The following MACROD2 variants were observed in gnomAD, a reference collection of about 807,000 sequenced individuals.
MACROD2 encodes the protein ADP-ribose glycohydrolase MACROD2.
In MACROD2, 36 loss-of-function variants were observed where a neutral mutation model predicts 70.4. The observed-to-expected ratio is 0.51, with a 90% confidence interval of 0.39 to 0.68. The LOEUF is 0.68. MACROD2 is among the 30% of genes least tolerant of loss of function. The pLI is 0.00. For synonymous variants in MACROD2, 172 were observed against 178.8 expected, an observed-to-expected ratio of 0.96 and a Z score of 0.30; for missense variants, 496 against 538.4, an observed-to-expected ratio of 0.92 and a Z score of 0.78.
At chr20:14,713,000 A>G (rs1300809817) in intron 5 of MACROD2, among the ~76,000 whole-genome samples, 1 of 152,176 alleles carries the variant, frequency 6.6e-6, no homozygotes, top group African/African-American at 2.4e-5. Context: ...AGAAAGACGG[A>G]GAAAGAAGAA....
At chr20:14,935,968 A>G (rs534012877) in intron 5 of MACROD2, among the ~76,000 whole-genome samples, 35 of 152,104 alleles carry the variant, frequency 2.3e-4, no homozygotes, top group Non-Finnish European at 4.6e-4. Context: ...TCTTTTTTCC[A>G]TAAGTACTAA....
chr20:15,342,755 G>A (rs1439707360), intron 6 of MACROD2, among the ~76,000 whole-genome samples: 3 of 152,156 alleles, frequency 2.0e-5, no homozygotes, highest in Admixed American at 1.3e-4. Context: ...AAGAGTGAAA[G>A]TGGGGAGGGG....
chr20:14,602,764 A>T (rs779176598), intron 4 of MACROD2, among the ~76,000 whole-genome samples: 1 of 152,232 alleles, frequency 6.6e-6, no homozygotes, highest in Non-Finnish European at 1.5e-5. Flanking sequence ...ATTTCTTAAA[A>T]ATTGAAAAGT....
chr20:15,427,024 GTCTC>G (rs74340878), intron 6 of MACROD2, among the ~76,000 whole-genome samples: 29,619 of 151,616 alleles, frequency 0.2, 3,134 homozygotes, highest in African/African-American at 0.25. Context: ...CTGTCTGTCT[GTCTC>G]TCTCTCTCTG....
At chr20:15,809,182 G>T (rs2063795573) in intron 8 of MACROD2, among the ~76,000 whole-genome samples, 1 of 152,008 alleles carries the variant, frequency 6.6e-6, no homozygotes, top group East Asian at 1.9e-4. Context: ...GATTTTCAGT[G>T]CACTTATAAT....
At chr20:15,569,732 A>T (rs892797412) in intron 8 of MACROD2, among the ~76,000 whole-genome samples, 1 of 152,224 alleles carries the variant, frequency 6.6e-6, no homozygotes, top group African/African-American at 2.4e-5. Context: ...ACAAAGATGT[A>T]GACCATTTGT....
chr20:15,995,550 C>T (rs1206059414), intron 15 of MACROD2, among the ~76,000 whole-genome samples: 1 of 151,038 alleles, frequency 6.6e-6, no homozygotes, highest in Non-Finnish European at 1.5e-5. Flanking sequence ...CAGGGTTTCA[C>T]CGTGTTAGCC....
chr20:14,902,351 C>T (rs1422406516), intron 5 of MACROD2, among the ~76,000 whole-genome samples: 1 of 152,140 alleles, frequency 6.6e-6, no homozygotes, highest in Admixed American at 6.5e-5. Context: ...AGGCCGCAGG[C>T]AGAGAATAGG....
intron 5 of MACROD2, among the ~76,000 whole-genome samples, chr20:14,978,922 TC>T (rs544992902): frequency 7.4e-6 from 1 of 135,532 alleles, no homozygotes; most frequent in African/African-American, 3.0e-5. Flanking sequence ...ATAATATATA[TC>T]ATAATATATA....
intron 6 of MACROD2, among the ~76,000 whole-genome samples, chr20:15,341,062 A>G (rs922863048): frequency 6.6e-6 from 1 of 152,178 alleles, no homozygotes; most frequent in Non-Finnish European, 1.5e-5. Flanking sequence ...TATTATGGAA[A>G]GAGAGGTTAC....
intron 5 of MACROD2, among the ~76,000 whole-genome samples, chr20:14,853,077 G>A (rs774002629): frequency 6.6e-6 from 1 of 152,058 alleles, no homozygotes; most frequent in Non-Finnish European, 1.5e-5. Context: ...ATCTTACTCT[G>A]TAGATAATGG....
chr20:15,239,973 C>G (rs745318704), intron 6 of MACROD2, among the ~76,000 whole-genome samples: 1 of 152,146 alleles, frequency 6.6e-6, no homozygotes, highest in Non-Finnish European at 1.5e-5. Context: ...ATCAGAAAGA[C>G]AGGGGCAAGT....
intron 1 of MACROD2, among the ~76,000 whole-genome samples, chr20:13,998,031 A>C (rs1212904118): frequency 6.6e-6 from 1 of 152,158 alleles, no homozygotes; most frequent in Non-Finnish European, 1.5e-5. Flanking sequence ...TGAAATGTCA[A>C]GGCATTCTAT....
At chr20:15,838,352 T>C (rs1360460495) in intron 8 of MACROD2, among the ~76,000 whole-genome samples, 5 of 152,184 alleles carry the variant, frequency 3.3e-5, no homozygotes, top group Non-Finnish European at 7.3e-5. Flanking sequence ...TTTCTTATCT[T>C]TCTATGCAAA....
chr20:15,101,288 A>G (rs1355829612), intron 5 of MACROD2, among the ~76,000 whole-genome samples: 7 of 152,040 alleles, frequency 4.6e-5, no homozygotes, highest in African/African-American at 1.7e-4. Flanking sequence ...CTTGGAAATA[A>G]GGCATTTTAT....
chr20:14,242,826 C>A (rs2081940255), intron 3 of MACROD2, among the ~76,000 whole-genome samples: 1 of 152,144 alleles, frequency 6.6e-6, no homozygotes, highest in African/African-American at 2.4e-5. Flanking sequence ...ATACAGTTTT[C>A]ATTATGATCA....
chr20:15,651,937 C>G (rs1404326238), intron 8 of MACROD2, among the ~76,000 whole-genome samples: 3 of 152,092 alleles, frequency 2.0e-5, no homozygotes, highest in African/African-American at 7.2e-5. Flanking sequence ...AGAAACAGAG[C>G]CTAAATAAAC....
At chr20:14,480,943 C>T (rs2084656667) in intron 3 of MACROD2, among the ~76,000 whole-genome samples, 2 of 152,026 alleles carry the variant, frequency 1.3e-5, no homozygotes, top group African/African-American at 2.4e-5. Context: ...AAGCCAACTA[C>T]AATTTGAAAT....
rs549176970 is a variant in MACROD2 at position 15,904,674 on chromosome 20, C to T, written c.775+18863C>T. On this transcript the variant is annotated intron_variant, in intron 10 of 17. Transcript: ENST00000684519. ...TTGGGAGGCCGAGGTGGCCAGATCA[C>T]GAGGTCAGGAGATCGAGACCATCCT... Among the ~76,000 whole-genome samples, 695 of 151,940 alleles carry T rather than the reference C, an allele frequency of 4.6e-3. 3 individuals carry two copies. Among genetic ancestry groups the T allele is most frequent in the Middle Eastern group, 0.024 (7 of 292 alleles).
Sources: gnomAD v4.1 joint callset for allele counts (sites outside exome capture counted in the v4.1 genomes callset) on GRCh38, gnomAD v4.1.1 for gene constraint, MANE v1.5 for transcripts, NCBI Gene and HGNC (gene_info 2026-07-23, HGNC 2026-07-21) for gene names.